Variants in SOX6 observed in about 807,000 individuals in gnomAD.
SOX6 encodes the protein SRY-box transcription factor 6, also known as transcription factor SOX-6.
In SOX6, 11 loss-of-function variants were observed where a neutral mutation model predicts 97.8. The observed-to-expected ratio is 0.11, with a 90% CI of 0.07 to 0.19. The LOEUF is 0.19. Ranked by LOEUF, SOX6 falls within the 10% of genes least tolerant of loss-of-function variation. SOX6 has a pLI of 1.00. For synonymous variants in SOX6, 360 were observed against 371.4 expected, an observed-to-expected ratio of 0.97 and a Z score of 0.35; for missense variants, 810 against 1,039.5, an observed-to-expected ratio of 0.78 and a Z score of 3.04.
intron 3 of SOX6, among the ~76,000 whole-genome samples, chr11:16,285,242 A>G (rs1854697425): frequency 1.3e-5 from 2 of 152,188 alleles, no homozygotes; most frequent in Non-Finnish European, 2.9e-5. Context: ...ATTGTAAAAA[A>G]TATTTTTAAG....
intron 12 of SOX6, among the ~76,000 whole-genome samples, chr11:16,025,039 C>A (rs1175991547): frequency 6.6e-6 from 1 of 152,088 alleles, no homozygotes; most frequent in Non-Finnish European, 1.5e-5. Flanking sequence ...GGCTTGGAAG[C>A]CACTGAATTA....
At chr11:16,578,723 G>A (rs754876287) in intron 4 of SOX6, among the ~76,000 whole-genome samples, 4 of 152,012 alleles carry the variant, frequency 2.6e-5, no homozygotes, top group Non-Finnish European at 4.4e-5. Flanking sequence ...AAAGAAAGAG[G>A]AGTGCAGAGA....
intron 3 of SOX6, among the ~76,000 whole-genome samples, chr11:16,293,286 G>A (rs1854968787): frequency 1.3e-5 from 2 of 152,094 alleles, no homozygotes; most frequent in South Asian, 4.1e-4. Context: ...AATAGTAGAT[G>A]AGAGACACCG....
chr11:16,174,261 T>C (rs903309786), intron 6 of SOX6, among the ~76,000 whole-genome samples: 5 of 151,874 alleles, frequency 3.3e-5, no homozygotes, highest in Non-Finnish European at 7.4e-5. Flanking sequence ...CATACATGTA[T>C]CAAAAGTTAG....
intron 4 of SOX6, among the ~76,000 whole-genome samples, chr11:16,568,207 T>TA (rs1038272421): frequency 2.2e-4 from 34 of 151,320 alleles, no homozygotes; most frequent in African/African-American, 4.1e-4. Context: ...TATTCCAAAA[T>TA]AAAAAAAAAT....
chr11:16,249,113 A>G (rs577200242), intron 3 of SOX6, among the ~76,000 whole-genome samples: 1 of 152,068 alleles, frequency 6.6e-6, no homozygotes, highest in South Asian at 2.1e-4. Flanking sequence ...AAAAAAGAAA[A>G]AGAAAAAAAA....
At chr11:16,528,285 C>T (rs1176769427) in intron 4 of SOX6, among the ~76,000 whole-genome samples, 1 of 152,066 alleles carries the variant, frequency 6.6e-6, no homozygotes, top group East Asian at 1.9e-4. Context: ...TACTATATTC[C>T]AATCATTGTT....
intron 3 of SOX6, among the ~76,000 whole-genome samples, chr11:16,269,582 G>GT (rs199911265): frequency 6.6e-6 from 1 of 150,464 alleles, no homozygotes; most frequent in African/African-American, 2.4e-5. Context: ...AGGGGATGTC[G>GT]TTTTATTTGT....
At chr11:16,084,910 T>C (rs1219539892) in intron 9 of SOX6, among the ~76,000 whole-genome samples, 1 of 152,210 alleles carries the variant, frequency 6.6e-6, no homozygotes, top group Non-Finnish European at 1.5e-5. Flanking sequence ...GAATGATAGA[T>C]GACTATTTTG....
intron 5 of SOX6, among the ~76,000 whole-genome samples, chr11:16,185,929 A>G (rs1851460649): frequency 6.6e-6 from 1 of 152,150 alleles, no homozygotes; most frequent in Non-Finnish European, 1.5e-5. Flanking sequence ...TATAAAATAC[A>G]TTTAACTGAA....
At chr11:16,660,552 C>A (rs907316922) in intron 3 of SOX6, among the ~76,000 whole-genome samples, 1 of 152,164 alleles carries the variant, frequency 6.6e-6, no homozygotes, top group African/African-American at 2.4e-5. Context: ...GAGAAGAATG[C>A]ATACTTTGCT....
chr11:16,247,101 T>A (rs1853359665), intron 3 of SOX6, among the ~76,000 whole-genome samples: 1 of 152,172 alleles, frequency 6.6e-6, no homozygotes, highest in African/African-American at 2.4e-5. Flanking sequence ...CATTCTACTA[T>A]CTATGTCCGT....
chr11:15,985,825 C>T (rs528527751), intron 15 of SOX6, among the ~76,000 whole-genome samples: 4 of 152,256 alleles, frequency 2.6e-5, no homozygotes, highest in Non-Finnish European at 5.9e-5. Flanking sequence ...TGATTAGAGT[C>T]AGAAGCACCA....
chr11:15,986,523 G>A, intron 14 of SOX6, 103 bp from the exon 15 acceptor site: 1 of 1,127,686 alleles, frequency 8.9e-7, no homozygotes, highest in Non-Finnish European at 1.3e-6. Context: ...TCTGTGCGCT[G>A]GGTGGCTCCA....
At chr11:16,684,835 G>C (rs771251770) in intron 3 of SOX6, among the ~76,000 whole-genome samples, 10 of 152,174 alleles carry the variant, frequency 6.6e-5, no homozygotes, top group Non-Finnish European at 1.5e-4. Flanking sequence ...AGGTTTACTT[G>C]TGTCACAATT....
intron 1 of SOX6, among the ~76,000 whole-genome samples, chr11:16,442,342 A>C (rs1361515400): frequency 6.6e-6 from 1 of 152,174 alleles, no homozygotes; most frequent in Non-Finnish European, 1.5e-5. Flanking sequence ...ATTAAATAAC[A>C]AATATTGTAA....
chr11:16,079,583 T>A (rs949922154), intron 9 of SOX6, among the ~76,000 whole-genome samples: 19 of 152,166 alleles, frequency 1.2e-4, no homozygotes, highest in Admixed American at 1.0e-3. Flanking sequence ...AAGTAAAATA[T>A]GTGTTTGTTA....
chr11:16,135,121 A>G (rs1393257190), intron 6 of SOX6, among the ~76,000 whole-genome samples: 2 of 152,226 alleles, frequency 1.3e-5, no homozygotes, highest in African/African-American at 4.8e-5. Flanking sequence ...AGCATGGTTT[A>G]CTGAATATTT....
chr11:16,291,749 C>T (rs11023904), intron 3 of SOX6, among the ~76,000 whole-genome samples: 59,575 of 151,794 alleles, frequency 0.39, 12,406 homozygotes, highest in East Asian at 0.48. Context: ...AAAATATCAG[C>T]GAGGAGAATT....
Sources: allele counts gnomAD v4.1 joint callset (sites outside exome capture counted in the v4.1 genomes callset), GRCh38; gene constraint gnomAD v4.1.1; transcripts MANE v1.5; gene names NCBI Gene and HGNC (gene_info 2026-07-23, HGNC 2026-07-21).